Variants in IMMP1L observed in about 807,000 individuals in gnomAD.
The protein encoded by IMMP1L is inner mitochondrial membrane peptidase subunit 1, also known as mitochondrial inner membrane protease subunit 1.
A neutral mutation model predicts 21.8 loss-of-function variants in IMMP1L; 24 were observed. The ratio of observed to expected loss-of-function variants is 1.10; its 90% CI spans 0.80 to 1.55. The LOEUF is 1.55. IMMP1L is among the 40% of genes most tolerant of loss of function. IMMP1L has a pLI of 0.00. For synonymous variants in IMMP1L, 46 were observed against 62.8 expected, an observed-to-expected ratio of 0.73 and a Z score of 1.26; for missense variants, 195 against 200.7, an observed-to-expected ratio of 0.97 and a Z score of 0.17.
intron 1 of IMMP1L, chr11:31,477,580 C>A: frequency 2.0e-6 from 2 of 982,876 alleles, no homozygotes; most frequent in Non-Finnish European, 2.4e-6. Flanking sequence ...TGAATGACAT[C>A]CAAGAGATGG....
intron 1 of IMMP1L, among the ~76,000 whole-genome samples, chr11:31,476,150 T>G (rs1399449518): frequency 2.6e-5 from 4 of 152,120 alleles, no homozygotes; most frequent in African/African-American, 9.7e-5. Context: ...GAAAAAGATT[T>G]TAGTCCACTT....
At chr11:31,452,750 T>C (rs1419485837) in intron 4 of IMMP1L, 1 of 1,015,378 alleles carries the variant, frequency 9.8e-7, no homozygotes, top group Non-Finnish European at 1.2e-6. Flanking sequence ...AGCATCTTTT[T>C]TTTTCTTTTC....
chr11:31,442,505 G>A (rs1202820679), intron 4 of IMMP1L, among the ~76,000 whole-genome samples: 2 of 152,154 alleles, frequency 1.3e-5, no homozygotes, highest in Admixed American at 6.5e-5. Context: ...CTAAAAAATA[G>A]TTGTATGTTT....
At chr11:31,458,838 T>C (rs1178553116) in intron 3 of IMMP1L, among the ~76,000 whole-genome samples, 1 of 152,224 alleles carries the variant, frequency 6.6e-6, no homozygotes, top group East Asian at 1.9e-4. Context: ...AATGTAGTTA[T>C]TTGTTTCACT....
At chr11:31,468,032 A>C (rs545206338) in intron 1 of IMMP1L, among the ~76,000 whole-genome samples, 1 of 152,250 alleles carries the variant, frequency 6.6e-6, no homozygotes, top group Admixed American at 6.5e-5. Flanking sequence ...AACACTTAAA[A>C]AGTATAAATT....
At chr11:31,439,198 C>CT (rs1953231103) in intron 4 of IMMP1L, among the ~76,000 whole-genome samples, 1 of 151,992 alleles carries the variant, frequency 6.6e-6, no homozygotes, top group Non-Finnish European at 1.5e-5. Context: ...TATAGATCAC[C>CT]TTCTCTTCTA....
intron 1 of IMMP1L, among the ~76,000 whole-genome samples, chr11:31,468,797 ACTTT>A (rs753591274): frequency 6.6e-6 from 1 of 152,222 alleles, no homozygotes; most frequent in Non-Finnish European, 1.5e-5. Flanking sequence ...GGTGAGGCAT[ACTTT>A]CTTTAAGATG....
intron 1 of IMMP1L, among the ~76,000 whole-genome samples, chr11:31,482,143 C>T (rs187182328): frequency 1.3e-5 from 2 of 152,106 alleles, no homozygotes; most frequent in East Asian, 1.9e-4. Context: ...TTACGGTCAT[C>T]GGCCTAAGTC....
In IMMP1L at chr11:31,509,500, G is replaced by A. The variant is rs540799738; in HGVS notation, c.-30+19C>T. The stretch of plus-strand genomic sequence containing the variant: ...TGAAGGCACTCAAAAGGAGAAGAAC[G>A]TTACGTGATATTACCTACCTCGGGC... On this transcript the variant is annotated intron_variant, in intron 1 of 5. Coordinates refer to ENST00000532287, the MANE Select transcript of IMMP1L (RefSeq NM_001304274.2). 2.4e-5 allele frequency: 12 copies of A among 496,520 alleles called. No homozygotes were observed. The East Asian group carries it at 3.1e-4, about 13-fold the overall frequency. 30.8% of individuals were successfully genotyped at this position (496,520 alleles called of 1,614,324 possible).
intron 1 of IMMP1L, 54 bp from the exon 2 acceptor site, chr11:31,463,359 G>GA: frequency 7.0e-7 from 1 of 1,424,708 alleles, no homozygotes; most frequent in Non-Finnish European, 9.2e-7. Flanking sequence ...AAACACTTAA[G>GA]AAATAACTAT....
chr11:31,492,532 C>T lies in IMMP1L; in HGVS notation c.-30+16987G>A, dbSNP rs78155212. ...ACAGCTTAACTGTTTGGCAAGAGGC[C>T]TACCTCTTGGCCTGTCTCAGCTTTC... is the stretch of plus-strand genomic sequence containing the variant. On this transcript the variant is annotated intron_variant, in intron 1 of 5. Transcript: ENST00000532287. Among the ~76,000 whole-genome samples, 1,255 of 152,300 alleles carry T rather than the reference C, an allele frequency of 8.2e-3. 11 individuals are homozygous for T. Among genetic ancestry groups the T allele is most frequent in the Non-Finnish European group, 0.014 (930 of 68,012 alleles).
intron 1 of IMMP1L, among the ~76,000 whole-genome samples, chr11:31,497,022 CAT>C (rs35845638): frequency 0.087 from 13,021 of 148,946 alleles, 1,570 homozygotes; most frequent in African/African-American, 0.27. Context: ...TAAGATTGCA[CAT>C]GTTACATATA....
chr11:31,454,449 C>CA (rs71463320), intron 4 of IMMP1L, among the ~76,000 whole-genome samples: 5,710 of 30,310 alleles, frequency 0.19, 1,397 homozygotes, highest in Non-Finnish European at 0.29. Flanking sequence ...AAGACCATGT[C>CA]AAAAAAAAAA....
At chr11:31,499,395 A>AC (rs202052470) in intron 1 of IMMP1L, among the ~76,000 whole-genome samples, 15 of 151,838 alleles carry the variant, frequency 9.9e-5, no homozygotes, top group African/African-American at 3.6e-4. Context: ...ACAAAACAAA[A>AC]AACACTACAC....
intron 3 of IMMP1L, among the ~76,000 whole-genome samples, chr11:31,459,869 CA>C: frequency 6.6e-6 from 1 of 152,198 alleles, no homozygotes; most frequent in East Asian, 1.9e-4. Flanking sequence ...TAAAAATCAT[CA>C]AATGGGCTGG....
chr11:31,433,081 T>C (rs1323916761), intron 5 of IMMP1L, among the ~76,000 whole-genome samples: 2 of 152,218 alleles, frequency 1.3e-5, no homozygotes, highest in Non-Finnish European at 1.5e-5. Flanking sequence ...CTCACAGTAC[T>C]CAACTGGGGT....
intron 4 of IMMP1L, among the ~76,000 whole-genome samples, chr11:31,448,405 G>A (rs1038461154): frequency 1.3e-5 from 2 of 152,224 alleles, no homozygotes; most frequent in Non-Finnish European, 2.9e-5. Context: ...AGAGTTTGGA[G>A]TCTGGTTCAG....
At chr11:31,499,173 G>A (rs1379499780) in intron 1 of IMMP1L, among the ~76,000 whole-genome samples, 1 of 152,196 alleles carries the variant, frequency 6.6e-6, no homozygotes, top group East Asian at 1.9e-4. Context: ...GACCATCCTG[G>A]CTAAAATGGT....
intron 1 of IMMP1L, among the ~76,000 whole-genome samples, chr11:31,464,109 A>G (rs1954250330): frequency 6.6e-6 from 1 of 152,100 alleles, no homozygotes; most frequent in Non-Finnish European, 1.5e-5. Context: ...CTGTTCTCAG[A>G]TCAAATTTAT....
Sources: gnomAD v4.1 joint callset for allele counts (sites outside exome capture counted in the v4.1 genomes callset) on GRCh38, gnomAD v4.1.1 for gene constraint, MANE v1.5 for transcripts, NCBI Gene and HGNC (gene_info 2026-07-23, HGNC 2026-07-21) for gene names.